The following TIAM1 variants were observed in gnomAD, a reference collection of about 807,000 sequenced individuals.
TIAM1 encodes TIAM Rac1 associated GEF 1.
TIAM1 carries 65 observed loss-of-function variants against 163.5 expected under a neutral mutation model. That is an observed-to-expected ratio of 0.40 (90% CI 0.33 to 0.49). The LOEUF (loss-of-function observed/expected upper bound fraction) is 0.49. Ranked by LOEUF, TIAM1 falls within the 20% of genes least tolerant of loss-of-function variation. The pLI is 0.77. For synonymous variants in TIAM1, 833 were observed against 810.1 expected (o/e 1.03, Z -0.48); for missense variants, 1,789 against 2,044.7 (o/e 0.87, Z 2.41).
At chr21:31,376,334 T>C (rs1411161268) in intron 2 of TIAM1, among the ~76,000 whole-genome samples, 1 of 152,060 alleles carries the variant, frequency 6.6e-6, no homozygotes, top group East Asian at 1.9e-4. Flanking sequence ...CCCCAAACCA[T>C]AGGTGCTATC....
rs138575189 is a variant in TIAM1 at position 31,444,509 on chromosome 21, A to C, written c.-369+19474T>G. The stretch of plus-strand genomic sequence containing the variant: ...GGACTTTACTAGAAAAAAATGAGGG[A>C]TAGATGACTAATTGCTACAATATTA... On this transcript the variant is annotated intron_variant, in intron 2 of 28. Transcript: ENST00000286827. 3.7e-3 allele frequency among the ~76,000 whole-genome samples: 566 copies of C among 151,842 alleles called. 13 individuals are homozygous for C. The highest frequency in any genetic ancestry group is 1.0e-3 in the Non-Finnish European group (71 of 67,976).
At chr21:31,360,181 C>T (rs1159457184) in intron 2 of TIAM1, among the ~76,000 whole-genome samples, 1 of 152,042 alleles carries the variant, frequency 6.6e-6, no homozygotes, top group Non-Finnish European at 1.5e-5. Flanking sequence ...AGATAATGAA[C>T]TGGTATCTTC....
intron 1 of TIAM1, among the ~76,000 whole-genome samples, chr21:31,477,869 T>C (rs1337796580): frequency 6.6e-6 from 1 of 152,224 alleles, no homozygotes; most frequent in Admixed American, 6.5e-5. Context: ...TGAAGTCTAA[T>C]GACTCTCCGT....
At chr21:31,190,687 A>C (rs2085516609) in intron 13 of TIAM1, among the ~76,000 whole-genome samples, 1 of 152,206 alleles carries the variant, frequency 6.6e-6, no homozygotes, top group Admixed American at 6.5e-5. Flanking sequence ...GCTTAGTCTA[A>C]GTATCATGTA....
At chr21:31,361,056 G>T (rs1334343633) in intron 2 of TIAM1, among the ~76,000 whole-genome samples, 1 of 152,076 alleles carries the variant, frequency 6.6e-6, no homozygotes, top group South Asian at 2.1e-4. Context: ...GCTGGGGAAG[G>T]TATCTCCAAA....
At chr21:31,218,854 C>T (rs912855919) in intron 8 of TIAM1, among the ~76,000 whole-genome samples, 1 of 151,938 alleles carries the variant, frequency 6.6e-6, no homozygotes, top group African/African-American at 2.4e-5. Flanking sequence ...GGCAGAATAA[C>T]AAGACAAAAG....
intron 5 of TIAM1, among the ~76,000 whole-genome samples, chr21:31,248,110 C>T (rs2071603595): frequency 6.6e-6 from 1 of 152,178 alleles, no homozygotes; most frequent in Non-Finnish European, 1.5e-5. Flanking sequence ...AAAATGTCAA[C>T]AGTGTCACTG....
At chr21:31,284,449 CA>C (rs1436575624) in intron 2 of TIAM1, among the ~76,000 whole-genome samples, 3 of 152,128 alleles carry the variant, frequency 2.0e-5, no homozygotes, top group South Asian at 2.1e-4. Context: ...GGACACACAG[CA>C]GGGGGGGTGG....
At chr21:31,411,844 G>A (rs147554622) in intron 2 of TIAM1, among the ~76,000 whole-genome samples, 12 of 151,604 alleles carry the variant, frequency 7.9e-5, no homozygotes, top group South Asian at 4.2e-4. Context: ...ATGGTTTGCC[G>A]ACTGCTGGGT....
intron 15 of TIAM1, among the ~76,000 whole-genome samples, chr21:31,170,804 G>C (rs1015564688): frequency 6.6e-6 from 1 of 151,996 alleles, no homozygotes; most frequent in African/African-American, 2.4e-5. Flanking sequence ...TTGGGAGGCA[G>C]AGGCAGGCGG....
chr21:31,244,045 T>A (rs2071363953), intron 6 of TIAM1, among the ~76,000 whole-genome samples: 1 of 152,130 alleles, frequency 6.6e-6, no homozygotes, highest in Non-Finnish European at 1.5e-5. Context: ...CTTGTCCTGG[T>A]TGGTGGTTGC....
intron 2 of TIAM1, among the ~76,000 whole-genome samples, chr21:31,446,503 C>T (rs937188174): frequency 1.3e-5 from 2 of 152,176 alleles, no homozygotes; most frequent in African/African-American, 4.8e-5. Context: ...AAAACTTACA[C>T]ACCACACTTT....
intron 2 of TIAM1, among the ~76,000 whole-genome samples, chr21:31,380,414 A>G (rs1473577296): frequency 6.6e-6 from 1 of 152,170 alleles, no homozygotes; most frequent in African/African-American, 2.4e-5. Flanking sequence ...GTGGTGGCAC[A>G]TGCCGGTAAT....
At chr21:31,506,789 A>C (rs1332641088) in intron 1 of TIAM1, among the ~76,000 whole-genome samples, 2 of 152,192 alleles carry the variant, frequency 1.3e-5, no homozygotes, top group Non-Finnish European at 2.9e-5. Context: ...ATGGTGGCGC[A>C]AGCCTGTAAT....
chr21:31,497,684 T>G (rs1322476916), intron 1 of TIAM1, among the ~76,000 whole-genome samples: 1 of 152,202 alleles, frequency 6.6e-6, no homozygotes, highest in Non-Finnish European at 1.5e-5. Flanking sequence ...TGAAAATATG[T>G]TCAAGGAAAA....
intron 4 of TIAM1, among the ~76,000 whole-genome samples, chr21:31,261,537 C>A (rs1230903062): frequency 6.6e-6 from 1 of 152,028 alleles, no homozygotes; most frequent in African/African-American, 2.4e-5. Flanking sequence ...CATGGTGAAA[C>A]CCTGTTTCTA....
intron 1 of TIAM1, among the ~76,000 whole-genome samples, chr21:31,529,273 A>G (rs535021091): frequency 3.3e-5 from 5 of 151,476 alleles, no homozygotes; most frequent in Non-Finnish European, 7.4e-5. Flanking sequence ...GGAAAGGTGG[A>G]AAAAAAAAGT....
At chr21:31,193,246 T>C (rs1239467270) in intron 13 of TIAM1, among the ~76,000 whole-genome samples, 3 of 152,262 alleles carry the variant, frequency 2.0e-5, no homozygotes, top group Admixed American at 2.0e-4. Context: ...GAACCTTGGC[T>C]GGTATCCTGA....
At chr21:31,342,139 T>C (rs2076039036) in intron 1 of TIAM1, among the ~76,000 whole-genome samples, 1 of 151,982 alleles carries the variant, frequency 6.6e-6, no homozygotes, top group East Asian at 1.9e-4. Context: ...TAGTATCTAT[T>C]AAACAAATTT....
Sources: gnomAD v4.1 joint callset for allele counts (sites outside exome capture counted in the v4.1 genomes callset) on GRCh38, gnomAD v4.1.1 for gene constraint, MANE v1.5 for transcripts, NCBI Gene and HGNC (gene_info 2026-07-23, HGNC 2026-07-21) for gene names.